OR5B2: variants seen among roughly 807,000 people sequenced by gnomAD.
OR5B2 encodes the protein olfactory receptor family 5 subfamily B member 2, also known as olfactory receptor 5B2.
For missense variants in OR5B2, 411 were observed against 367.0 expected (o/e 1.12, Z -0.98); for synonymous variants, 163 against 140.8 (o/e 1.16, Z -1.11).
chr11:58,427,608 A>G (rs1451308153), intron 1 of OR5B2, among the ~76,000 whole-genome samples: 3 of 152,134 alleles, frequency 2.0e-5, no homozygotes, highest in Non-Finnish European at 4.4e-5. Context: ...TCACACTGTG[A>G]ATTTGCATCC....
Position 58,422,193 on chromosome 11 carries a change from T to A in OR5B2, c.*139A>T, listed in dbSNP as rs980390994. On this transcript the variant is annotated 3_prime_UTR_variant, in exon 3 of 3. Coordinates refer to ENST00000641342, the MANE Select transcript of OR5B2 (RefSeq NM_001005566.3). ...ATAATATTTTATTTTTATTAAAAAA[T>A]TGACTTCTAAAGAGGTAAGAATATC... 1 of 500,552 alleles carries A rather than the reference T, an allele frequency of 2.0e-6. No individual in the cohort carries two copies. 31.0% of individuals were successfully genotyped at this position (500,552 alleles called of 1,614,324 possible). A position where few individuals can be genotyped will look rare whatever the true frequency, so the allele number is the denominator to read the frequency against.
chr11:58,426,572 A>G (rs1402967345), intron 2 of OR5B2, 50 bp downstream of exon 2: 2 of 152,172 alleles, frequency 1.3e-5, no homozygotes, highest in Admixed American at 6.6e-5. Context: ...TATAACACAT[A>G]TTCTATTACT....
chr11:58,422,149 T>A lies in OR5B2; in HGVS notation c.*183A>T. ...TAACATTTCCATTTAGCCTTCCTCATTCAGGTATTACATTTCTGATAATAT... is the reference window on the plus strand; with the variant it reads ...TAACATTTCCATTTAGCCTTCCTCAATCAGGTATTACATTTCTGATAATAT... On this transcript the variant is annotated 3_prime_UTR_variant, in exon 3 of 3. Coordinates refer to ENST00000641342, the MANE Select transcript of OR5B2 (RefSeq NM_001005566.3). The A allele has an allele frequency of 2.1e-6, 1 of 465,570 alleles. No individual in the cohort carries two copies. Among genetic ancestry groups the A allele is most frequent in the Non-Finnish European group, 3.8e-6 (1 of 264,650 alleles). The allele number at this position is 465,570 out of a possible 1,614,324, so 28.8% of individuals were successfully genotyped here. A position where few individuals can be genotyped will look rare whatever the true frequency, so the allele number is the denominator to read the frequency against.
Position 58,423,010 on chromosome 11 carries a change from A to G in OR5B2, c.252T>C (p.Leu84=). The change falls in exon 3 of 3, where the codon CTT becomes CTC. Residue 84 remains leucine, a synonymous_variant. Coordinates refer to ENST00000641342, the MANE Select transcript of OR5B2 (RefSeq NM_001005566.3). ...TGTAGGAGATGACCTTGTCTCCTCT[A>G]AGGAACCCAGCCATGACCTTGGGAG... is the stretch of plus-strand genomic sequence containing the variant. ...AVTPKVMAGF[L]RGDKVISYNA... 1.2e-6 allele frequency: 2 copies of G among 1,613,840 alleles called. No homozygotes were observed. Among genetic ancestry groups the G allele is most frequent in the South Asian group, 1.1e-5 (1 of 91,076 alleles).
In OR5B2 at chr11:58,422,995, G is replaced by T; in HGVS notation, c.267C>A (p.Val89=). The part of the protein sequence containing the change: ...VMAGFLRGDK[V]ISYNACAVQM... ...GAACAGCACATGCATTGTAGGAGAT[G>T]ACCTTGTCTCCTCTAAGGAACCCAG... The change falls in exon 3 of 3, where the codon GTC becomes GTA. Residue 89 remains valine (V), a synonymous_variant. Coordinates refer to ENST00000641342, the MANE Select transcript of OR5B2 (RefSeq NM_001005566.3). 6.2e-7 allele frequency: 1 copy of T among 1,613,786 alleles called. No individual in the cohort carries two copies. The highest frequency in any genetic ancestry group is 8.5e-7 in the Non-Finnish European group (1 of 1,179,814).
chr11:58,426,894 G>C (rs1354374023), intron 1 of OR5B2, among the ~76,000 whole-genome samples: 1 of 152,128 alleles, frequency 6.6e-6, no homozygotes, highest in Non-Finnish European at 1.5e-5. Context: ...GCTGTAAGAA[G>C]GGATCATCGT....
At position 58,423,117 on chromosome 11, in the gene OR5B2, T is replaced by C; in HGVS notation, c.145A>G (p.Met49Val). The C allele has an allele frequency of 6.2e-7, 1 of 1,613,648 alleles. No individual in the cohort carries two copies. The highest frequency in any genetic ancestry group is 8.5e-7 in the Non-Finnish European group (1 of 1,179,790). Residue 49 changes from methionine (M) to valine (V), a missense_variant, in exon 3 of 3, where the codon ATG (methionine) becomes GTG (valine). Transcript: ENST00000641342. ...ATGGGGGTGTGGAGACAAGAGTCCA[T>C]CAGGATCAGCAACATCATCCCCAGG... The part of the protein sequence containing the change: ...GNLGMMLLIL[M>V]DSCLHTPMYF...
Position 58,423,188 on chromosome 11 carries a change from A to AG in OR5B2, c.73dup (p.Leu25ProfsTer39), listed in dbSNP as rs751021398. 1.9e-6 allele frequency: 3 copies of AG among 1,613,534 alleles called. No individual in the cohort carries two copies. Among genetic ancestry groups the AG allele is most frequent in the Non-Finnish European group, 2.5e-6 (3 of 1,179,634 alleles). The stretch of plus-strand genomic sequence containing the variant: ...GTAGATGAAGGTGAACAAGATAAAG[A>AG]GGGGGATCTGTAGTTCTGGGACACT... On this transcript the variant is annotated frameshift_variant, in exon 3 of 3. Coordinates refer to ENST00000641342, the MANE Select transcript of OR5B2 (RefSeq NM_001005566.3). LOFTEE classifies it low-confidence loss of function (END_TRUNC).
At chr11:58,427,998 G>A (rs1402436205) in intron 1 of OR5B2, 21 bp downstream of exon 1, 1 of 152,444 alleles carries the variant, frequency 6.6e-6, no homozygotes, top group Non-Finnish European at 1.5e-5. Context: ...AGAGTTGTTA[G>A]CCAGAGATTT....
rs11824479 is a variant in OR5B2, at chr11:58,426,656, G to T, written c.-63C>A. On this transcript the variant is annotated 5_prime_UTR_variant, in exon 2 of 3. Coordinates refer to ENST00000641342, the MANE Select transcript of OR5B2 (RefSeq NM_001005566.3). ...CAAGGAAGATGACACACTTTCAGTT[G>T]GTATCTTCAAATTGCAAGTCCTACT... The T allele has an allele frequency of 6.6e-6, 1 of 152,042 alleles. No individual in the cohort carries two copies. The highest frequency in any genetic ancestry group is 2.4e-5 in the African/African-American group (1 of 41,480). 9.4% of individuals were successfully genotyped at this position (152,042 alleles called of 1,614,324 possible).
At chr11:58,425,649 A>C (rs1437004969) in intron 2 of OR5B2, among the ~76,000 whole-genome samples, 1 of 152,164 alleles carries the variant, frequency 6.6e-6, no homozygotes, top group Non-Finnish European at 1.5e-5. Context: ...GAATAAAAAA[A>C]CACTAGCATC....
chr11:58,424,103 C>A lies in OR5B2; in HGVS notation c.-28-814G>T, dbSNP rs373694233. On this transcript the variant is annotated intron_variant, in intron 2 of 2. Transcript: ENST00000641342. ...TTGGTCCCACACTAACTTCCCTGAACCTTATTTATTTTATCTGCAGAATGA... is the reference window on the plus strand; with the variant it reads ...TTGGTCCCACACTAACTTCCCTGAAACTTATTTATTTTATCTGCAGAATGA... Among the ~76,000 whole-genome samples the A allele has an allele frequency of 1.4e-4, 21 of 152,228 alleles. No individual in the cohort carries two copies. The East Asian group carries it at 3.7e-3, about 27-fold the overall frequency.
intron 1 of OR5B2, among the ~76,000 whole-genome samples, chr11:58,427,270 C>T (rs969176969): frequency 2.0e-5 from 3 of 152,092 alleles, no homozygotes; most frequent in African/African-American, 7.2e-5. Flanking sequence ...TTAGGAAGAA[C>T]ACCAGTGTAT....
chr11:58,426,530 T>C (rs1051015575), intron 2 of OR5B2, 92 bp downstream of exon 2: 2 of 152,156 alleles, frequency 1.3e-5, no homozygotes, highest in Admixed American at 1.3e-4. Flanking sequence ...CTCTGATTAC[T>C]CAATGGGAAA....
intron 1 of OR5B2, 54 bp from the exon 2 acceptor site, chr11:58,426,730 A>G (rs1211549994): frequency 1.3e-5 from 2 of 152,170 alleles, no homozygotes; most frequent in Non-Finnish European, 2.9e-5. Flanking sequence ...TTTAATGTCT[A>G]GTCACAAATA....
intron 2 of OR5B2, among the ~76,000 whole-genome samples, chr11:58,424,839 A>G (rs1157297311): frequency 6.6e-6 from 1 of 152,140 alleles, no homozygotes; most frequent in African/African-American, 2.4e-5. Flanking sequence ...ATGTTCTACA[A>G]CAGATGTTAA....
chr11:58,426,354 A>G (rs981695948), intron 2 of OR5B2, among the ~76,000 whole-genome samples: 40 of 151,852 alleles, frequency 2.6e-4, no homozygotes, highest in African/African-American at 9.4e-4. Context: ...ATAGGCACCA[A>G]TGTCTGTTGC....
At chr11:58,426,494 A>C (rs1855339953) in intron 2 of OR5B2, 128 bp downstream of exon 2, 1 of 152,158 alleles carries the variant, frequency 6.6e-6, no homozygotes, top group Non-Finnish European at 1.5e-5. Context: ...TGATAGCATG[A>C]AAATATTAAA....
rs777972685 is a variant in OR5B2, at chr11:58,423,055, A to G, written c.207T>C (p.Phe69=). ...FFLSNLSLVD[F]GYSSAVTPKV... ...TGGGAGTGACAGCTGAGGAGTATCC[A>G]AAGTCCACCAGAGACAGGTTACTGA... The change falls in exon 3 of 3, where the codon TTT becomes TTC. Residue 69 remains phenylalanine (F), a synonymous_variant. Coordinates refer to ENST00000641342, the MANE Select transcript of OR5B2 (RefSeq NM_001005566.3). The G allele has an allele frequency of 5.6e-6, 9 of 1,613,742 alleles. No individual in the cohort carries two copies. In the South Asian group the frequency reaches 6.6e-5, roughly 12 times the overall value.
Sources: allele counts gnomAD v4.1 joint callset (sites outside exome capture counted in the v4.1 genomes callset), GRCh38; gene constraint gnomAD v4.1.1; transcripts MANE v1.5; gene names NCBI Gene and HGNC (gene_info 2026-07-23, HGNC 2026-07-21).